CCDC14: variants seen among roughly 807,000 people sequenced by gnomAD.
The protein encoded by CCDC14 is coiled-coil domain containing 14, also known as coiled-coil domain-containing protein 14.
Under a neutral mutation model 81.4 loss-of-function variants are expected in CCDC14, and 71 were observed. That is an observed-to-expected ratio of 0.87 (90% CI 0.72 to 1.06). The LOEUF is 1.06. Among genes scored for constraint, CCDC14 ranks in the 50% least tolerant of loss-of-function variants. The pLI is 0.00. For missense variants in CCDC14, 1,046 were observed against 1,047.3 expected (o/e 1.00, Z 0.02); for synonymous variants, 332 against 364.8 (o/e 0.91, Z 1.03).
chr3:123,910,854 C>G (rs2034428793), downstream of CCDC14, among the ~76,000 whole-genome samples: 2 of 152,094 alleles, frequency 1.3e-5, no homozygotes, highest in Admixed American at 1.3e-4. Flanking sequence ...TAAGTACAAA[C>G]TATATGATAG....
At chr3:123,897,589 A>G (rs541884569) in exon 6 of CCDC14, 2 of 1,206,498 alleles carry the variant, frequency 1.7e-6, no homozygotes, top group East Asian at 1.2e-4. Context: ...TTTGCAGAAC[A>G]TTTAAGTCCA....
chr3:123,900,202 T>C (rs2034151116), intron 5 of CCDC14, among the ~76,000 whole-genome samples: 1 of 152,116 alleles, frequency 6.6e-6, no homozygotes, highest in Non-Finnish European at 1.5e-5. Context: ...AACAACATCA[T>C]AAGAACAAGG....
At chr3:123,921,301 A>G (rs533656261) in intron 12 of CCDC14, among the ~76,000 whole-genome samples, 2 of 152,330 alleles carry the variant, frequency 1.3e-5, no homozygotes, top group East Asian at 3.9e-4. Context: ...ACTCTAAGGT[A>G]AAGCACACAC....
At chr3:123,924,952 T>TAC (rs1437360998) in intron 12 of CCDC14, among the ~76,000 whole-genome samples, 240 of 131,016 alleles carry the variant, frequency 1.8e-3, no homozygotes, top group African/African-American at 7.3e-3. Context: ...TGTATACATA[T>TAC]ATACACACAC....
At chr3:123,948,422 C>T (rs1339736921) in intron 7 of CCDC14, among the ~76,000 whole-genome samples, 2 of 151,758 alleles carry the variant, frequency 1.3e-5, no homozygotes, top group African/African-American at 4.8e-5. Flanking sequence ...CTGTATTTTT[C>T]GTAGAGGTGG....
intron 5 of CCDC14, chr3:123,953,341 T>C (rs1385746892): frequency 6.6e-6 from 1 of 152,282 alleles, no homozygotes; most frequent in East Asian, 1.9e-4. Context: ...TACTGCTTAC[T>C]ACCAAAGTGA....
chr3:123,954,485 C>T (rs1043505031), intron 5 of CCDC14: 1 of 152,114 alleles, frequency 6.6e-6, no homozygotes, highest in African/African-American at 2.4e-5. Flanking sequence ...AAATATAATA[C>T]AAACCATATA....
chr3:123,916,430 A>C (rs1319911825), intron 12 of CCDC14, among the ~76,000 whole-genome samples: 1 of 150,626 alleles, frequency 6.6e-6, no homozygotes, highest in East Asian at 2.0e-4. Context: ...TTTGTTATGG[A>C]TTCTGCTAGG....
In CCDC14 at chr3:123,956,129, A is replaced by C. The variant is rs1379173724; in HGVS notation, c.160-14T>G. ...TACAGTTTCAGCCTGTAAGAAATAA[A>C]GTCATTTAGAATACATTTGTATATG... is the stretch of plus-strand genomic sequence containing the variant. On this transcript the variant is annotated splice_polypyrimidine_tract_variant and intron_variant, in intron 3 of 12. Coordinates refer to ENST00000409697, the MANE Select transcript of CCDC14 (RefSeq NM_001366335.1). 5 of 1,536,010 alleles carry C rather than the reference A, an allele frequency of 3.3e-6. No homozygotes were observed. In the African/African-American group the frequency reaches 6.9e-5, roughly 21 times the overall value.
At chr3:123,902,788 A>C (rs1198346115) in intron 5 of CCDC14, among the ~76,000 whole-genome samples, 1 of 152,070 alleles carries the variant, frequency 6.6e-6, no homozygotes, top group African/African-American at 2.4e-5. Flanking sequence ...AGATATGATA[A>C]TATTGTGCTT....
At chr3:123,943,504 C>T (rs1329558443) in intron 9 of CCDC14, among the ~76,000 whole-genome samples, 1 of 152,096 alleles carries the variant, frequency 6.6e-6, no homozygotes, top group African/African-American at 2.4e-5. Context: ...TAAGGAAATT[C>T]TCTGACCTAC....
intron 5 of CCDC14, among the ~76,000 whole-genome samples, chr3:123,904,204 T>C (rs2034248250): frequency 1.3e-5 from 2 of 152,136 alleles, no homozygotes; most frequent in South Asian, 2.1e-4. Flanking sequence ...TTCCCTAAGG[T>C]ACTTCTAAGT....
intron 5 of CCDC14, chr3:123,954,756 A>T (rs1357008374): frequency 6.6e-6 from 1 of 152,114 alleles, no homozygotes; most frequent in Non-Finnish European, 1.5e-5. Flanking sequence ...GTTATTCCAA[A>T]CATACTTAAA....
downstream of CCDC14, chr3:123,913,284 C>T: frequency 1.5e-6 from 1 of 650,828 alleles, no homozygotes; most frequent in Non-Finnish European, 1.9e-6. Context: ...ATTGAACACA[C>T]AAGCGTTTAA....
intron 5 of CCDC14, among the ~76,000 whole-genome samples, chr3:123,950,183 G>A (rs1212306723): frequency 6.6e-6 from 1 of 152,032 alleles, no homozygotes; most frequent in Admixed American, 6.5e-5. Flanking sequence ...TAAATCATAG[G>A]TTATCAGTAT....
intron 12 of CCDC14, among the ~76,000 whole-genome samples, chr3:123,924,433 C>T (rs2035239149): frequency 6.6e-6 from 1 of 151,970 alleles, no homozygotes; most frequent in African/African-American, 2.4e-5. Context: ...CAAAAATAGA[C>T]AAATGAAATC....
intron 5 of CCDC14, among the ~76,000 whole-genome samples, chr3:123,950,133 G>A (rs1174974432): frequency 6.6e-6 from 1 of 152,042 alleles, no homozygotes; most frequent in African/African-American, 2.4e-5. Context: ...CTTCCCAAAG[G>A]TTTTTTAAAA....
At chr3:123,950,774 G>A (rs1004275600) in intron 5 of CCDC14, among the ~76,000 whole-genome samples, 8 of 152,072 alleles carry the variant, frequency 5.3e-5, no homozygotes, top group Middle Eastern at 3.4e-3. Context: ...AATTATTTAT[G>A]AGAAGTATTC....
intron 5 of CCDC14, chr3:123,955,314 A>C (rs2037260075): frequency 6.6e-6 from 1 of 152,110 alleles, no homozygotes; most frequent in Non-Finnish European, 1.5e-5. Context: ...TAAACTAGGA[A>C]AAGTTAGCCG....
Sources: gnomAD v4.1 joint callset for allele counts (sites outside exome capture counted in the v4.1 genomes callset) on GRCh38, gnomAD v4.1.1 for gene constraint, MANE v1.5 for transcripts, NCBI Gene and HGNC (gene_info 2026-07-23, HGNC 2026-07-21) for gene names.